Variants in SGPP2 observed in about 807,000 individuals in gnomAD.
The protein encoded by SGPP2 is sphingosine 1-phosphate phosphohydrolase 2.
In SGPP2, 30 loss-of-function variants were observed where a neutral mutation model predicts 33.9. The ratio of observed to expected loss-of-function variants is 0.89; its 90% CI spans 0.66 to 1.20. The LOEUF (loss-of-function observed/expected upper bound fraction) is 1.20. SGPP2 is among the 50% of genes most tolerant of loss of function. SGPP2 has a pLI of 0.00. For missense variants in SGPP2, 458 were observed against 532.1 expected, an observed-to-expected ratio of 0.86 and a Z score of 1.37; for synonymous variants, 233 against 225.0, an observed-to-expected ratio of 1.04 and a Z score of -0.32.
At chr2:222,541,851 C>T (rs1329598403) in intron 4 of SGPP2, among the ~76,000 whole-genome samples, 1 of 152,092 alleles carries the variant, frequency 6.6e-6, no homozygotes, top group East Asian at 1.9e-4. Flanking sequence ...ATCCACCCAC[C>T]CCGGCCTCCC....
intron 2 of SGPP2, among the ~76,000 whole-genome samples, chr2:222,480,755 G>A (rs567376058): frequency 1.8e-4 from 27 of 152,124 alleles, no homozygotes; most frequent in South Asian, 8.3e-4. Flanking sequence ...CTGAACTTTC[G>A]GTGTTCTCAT....
intron 2 of SGPP2, among the ~76,000 whole-genome samples, chr2:222,493,955 G>T (rs1015156653): frequency 2.0e-5 from 3 of 152,182 alleles, no homozygotes; most frequent in African/African-American, 7.2e-5. Context: ...GCCAATTTCA[G>T]TGGGCAAGCT....
chr2:222,561,577 T>C lies in SGPP2; in HGVS notation c.*2679T>C, dbSNP rs1222640005. Among the ~76,000 whole-genome samples, 1 of 150,702 alleles carries C rather than the reference T, an allele frequency of 6.6e-6. No homozygotes were observed. The highest frequency in any genetic ancestry group is 2.4e-5 in the African/African-American group (1 of 41,136). On this transcript the variant is annotated 3_prime_UTR_variant, in exon 5 of 5. Transcript: ENST00000321276. Reference sequence around the variant, plus strand: ...CATATACATAATTTTTACTGCTGTCTCTAGTTTTAAGTCCCAACAATAGGA... The same window carrying C: ...CATATACATAATTTTTACTGCTGTCCCTAGTTTTAAGTCCCAACAATAGGA...
At chr2:222,547,622 C>A (rs1689224045) in intron 4 of SGPP2, among the ~76,000 whole-genome samples, 1 of 152,040 alleles carries the variant, frequency 6.6e-6, no homozygotes. Context: ...TACTATTATA[C>A]TATTATATTA....
At chr2:222,486,765 C>T (rs550167429) in intron 2 of SGPP2, among the ~76,000 whole-genome samples, 48 of 152,298 alleles carry the variant, frequency 3.2e-4, no homozygotes, top group African/African-American at 1.2e-3. Context: ...CAGTAACTCT[C>T]TGATTCCAGA....
intron 2 of SGPP2, among the ~76,000 whole-genome samples, chr2:222,487,986 A>G (rs1286820119): frequency 6.6e-6 from 1 of 152,174 alleles, no homozygotes; most frequent in Non-Finnish European, 1.5e-5. Flanking sequence ...GAACAAACGA[A>G]TCCACACATT....
At chr2:222,527,351 G>T (rs941270658) in intron 4 of SGPP2, among the ~76,000 whole-genome samples, 1 of 152,166 alleles carries the variant, frequency 6.6e-6, no homozygotes, top group South Asian at 2.1e-4. Flanking sequence ...AACTGAACCC[G>T]CTGTGACTCT....
chr2:222,541,816 G>T (rs1699002947), intron 4 of SGPP2, among the ~76,000 whole-genome samples: 1 of 151,970 alleles, frequency 6.6e-6, no homozygotes. Context: ...TGGCCAGGCT[G>T]GTCTTGAACT....
In SGPP2 at chr2:222,476,708, CTGTA is replaced by C. The variant is rs556967169; in HGVS notation, c.378+1984_378+1987del. ...GTGTGTGTGCGTGTGTAAGGTATAA[CTGTA>C]TATATATGTATGTGTGTATATAGGT... On this transcript the variant is annotated intron_variant, in intron 2 of 4. Transcript: ENST00000321276. The surrounding 1 kb of genome is among the most constrained non-coding windows in gnomAD (Gnocchi z 4.3). Among the ~76,000 whole-genome samples, 134 of 147,156 alleles carry C rather than the reference CTGTA, an allele frequency of 9.1e-4. No individual in the cohort carries two copies. The highest frequency in any genetic ancestry group is 3.2e-3 in the African/African-American group (129 of 40,288).
At chr2:222,496,517 C>T (rs1436919301) in intron 2 of SGPP2, among the ~76,000 whole-genome samples, 1 of 152,158 alleles carries the variant, frequency 6.6e-6, no homozygotes, top group Non-Finnish European at 1.5e-5. Flanking sequence ...CCATCCTCCC[C>T]ACAGCATTTA....
At chr2:222,458,130 G>A (rs1400984245) in intron 1 of SGPP2, among the ~76,000 whole-genome samples, 2 of 151,922 alleles carry the variant, frequency 1.3e-5, no homozygotes, top group Admixed American at 6.6e-5. Flanking sequence ...GGCTCACTAC[G>A]GCCTCAACCT....
intron 1 of SGPP2, among the ~76,000 whole-genome samples, chr2:222,464,478 G>A (rs1372339230): frequency 6.6e-6 from 1 of 152,170 alleles, no homozygotes; most frequent in Middle Eastern, 3.4e-3. Flanking sequence ...CAAGTACAGA[G>A]GTTTTTTGTT....
intron 2 of SGPP2, among the ~76,000 whole-genome samples, chr2:222,507,811 C>T (rs1698467807): frequency 6.6e-6 from 1 of 152,190 alleles, no homozygotes; most frequent in South Asian, 2.1e-4. Flanking sequence ...ATATACTCTT[C>T]AGCCTCTTGC....
chr2:222,441,324 G>A (rs1270032037), intron 1 of SGPP2, among the ~76,000 whole-genome samples: 3 of 152,124 alleles, frequency 2.0e-5, no homozygotes, highest in Non-Finnish European at 2.9e-5. Flanking sequence ...GAAAGTATTT[G>A]TCAAATATCC....
intron 1 of SGPP2, among the ~76,000 whole-genome samples, chr2:222,434,211 A>G (rs757346362): frequency 3.2e-4 from 49 of 152,340 alleles, no homozygotes; most frequent in Non-Finnish European, 5.7e-4. Flanking sequence ...GGTGAGATAC[A>G]TTCCATATAC....
At position 222,559,029 on chromosome 2, in the gene SGPP2, C is replaced by T; in HGVS notation, c.*131C>T. 1 of 805,056 alleles carries T rather than the reference C, an allele frequency of 1.2e-6. No homozygotes were observed. The highest frequency in any genetic ancestry group is 1.9e-6 in the Non-Finnish European group (1 of 517,924). The allele number at this position is 805,056 out of a possible 1,614,324, so 49.9% of individuals were successfully genotyped here. A position where few individuals can be genotyped will look rare whatever the true frequency, so the allele number is the denominator to read the frequency against. ...AGTCATACGGCTGTCTTGCTACTAC[C>T]AGATAAATGATGCTGCTGTGTGAAA... is the stretch of plus-strand genomic sequence containing the variant. On this transcript the variant is annotated 3_prime_UTR_variant, in exon 5 of 5. Coordinates refer to ENST00000321276, the MANE Select transcript of SGPP2 (RefSeq NM_152386.4).
intron 1 of SGPP2, among the ~76,000 whole-genome samples, chr2:222,463,385 GA>G (rs994521093): frequency 6.6e-6 from 1 of 152,162 alleles, no homozygotes; most frequent in Non-Finnish European, 1.5e-5. Context: ...AGCATTTTGG[GA>G]GGCAGGAGGA....
At chr2:222,537,217 C>A (rs189430995) in intron 4 of SGPP2, among the ~76,000 whole-genome samples, 1 of 152,044 alleles carries the variant, frequency 6.6e-6, no homozygotes, top group African/African-American at 2.4e-5. Context: ...TAGAAAAAGC[C>A]CTTTCTAGGC....
Position 222,558,788 on chromosome 2 carries a change from A to G in SGPP2, c.1090A>G (p.Arg364Gly). 2 of 1,614,176 alleles carry G rather than the reference A, an allele frequency of 1.2e-6. No individual in the cohort carries two copies. Among genetic ancestry groups the G allele is most frequent in the Non-Finnish European group, 8.5e-7 (1 of 1,180,034 alleles). The change falls in exon 5 of 5, where the codon AGG (arginine) becomes GGG (glycine). Residue 364 changes from arginine (R) to glycine (G), a missense_variant. Transcript: ENST00000321276. ...GGTGGTCACCAGGAACAAGGAGGCC[A>G]GGCGGAGACTGGAGATTGAAGTGCC... The part of the protein sequence containing the change: ...FKVVTRNKEA[R>G]RRLEIEVPYK...
Sources: gnomAD v4.1 joint callset for allele counts (sites outside exome capture counted in the v4.1 genomes callset) on GRCh38, gnomAD v4.1.1 for gene constraint, Gnocchi (gnomAD v3.1) non-coding constraint, MANE v1.5 for transcripts, NCBI Gene and HGNC (gene_info 2026-07-23, HGNC 2026-07-21) for gene names.